The following DERA variants were observed in gnomAD, a reference collection of about 807,000 sequenced individuals.
DERA encodes deoxyribose-phosphate aldolase, also known as 2-deoxy-D-ribose 5-phosphate aldolase.
Under a neutral mutation model 41.1 loss-of-function variants are expected in DERA, and 15 were observed. That is an observed-to-expected ratio of 0.37 (90% CI 0.24 to 0.56). DERA has a LOEUF of 0.56. Ranked by LOEUF, DERA falls within the 20% of genes least tolerant of loss-of-function variation. DERA has a pLI of 0.81. For missense variants in DERA, 396 were observed against 403.4 expected (o/e 0.98, Z 0.16); for synonymous variants, 139 against 137.4 (o/e 1.01, Z -0.08).
At position 15,992,965 on chromosome 12, in the gene DERA, A is replaced by T. The variant is rs190008024; in HGVS notation, c.637+10529A>T. ...CATCAGGTTTGAATTGCCGATGAAG[A>T]TCTGTGGGAAGAGTACTAACACAAA... On this transcript the variant is annotated intron_variant, in intron 6 of 8. Coordinates refer to ENST00000428559, the MANE Select transcript of DERA (RefSeq NM_015954.4). The surrounding 1 kb of genome is among the most constrained non-coding windows in gnomAD (Gnocchi z 4.3). Among the ~76,000 whole-genome samples, 4 of 152,338 alleles carry T rather than the reference A, an allele frequency of 2.6e-5. No individual in the cohort carries two copies. In the East Asian group the frequency reaches 7.7e-4, roughly 29 times the overall value.
At chr12:16,028,260 A>G (rs999877559) in intron 6 of DERA, among the ~76,000 whole-genome samples, 17 of 152,158 alleles carry the variant, frequency 1.1e-4, no homozygotes, top group Admixed American at 1.0e-3. Context: ...AAACAGAAAA[A>G]TCCACATGAT....
rs1948738644 is a variant in DERA at position 15,982,389 on chromosome 12, G to C, written c.590G>C (p.Gly197Ala). The C allele has an allele frequency of 2.5e-6, 4 of 1,613,840 alleles. No homozygotes were observed. The Admixed American group carries it at 6.7e-5, about 27-fold the overall frequency. The change falls in exon 6 of 9, where the codon GGA becomes GCA. Residue 197 changes from glycine to alanine, a missense_variant. Gly to Ala is a moderately conservative substitution (Grantham distance 60, BLOSUM62 0). Transcript: ENST00000428559. The surrounding 1 kb of genome is among the most constrained non-coding windows in gnomAD (Gnocchi z 4.0). Reference sequence around the variant, plus strand: ...ACTATATTAGCGACAGGAGAACTTGGAACTCTTACTAATGTCTATAAAGCC... The same window carrying C: ...ACTATATTAGCGACAGGAGAACTTGCAACTCTTACTAATGTCTATAAAGCC... The part of the protein sequence containing the change: ...LKTILATGEL[G>A]TLTNVYKASM...
rs752473216 is a variant in DERA at position 15,918,691 on chromosome 12, G to GT, written c.31+7277_31+7278insT. 6.6e-4 allele frequency among the ~76,000 whole-genome samples: 101 copies of GT among 152,296 alleles called. No homozygotes were observed. Among genetic ancestry groups the GT allele is most frequent in the Non-Finnish European group, 1.2e-3 (83 of 68,034 alleles). ...CCAAGGTGAGCCTGACTTGGTCTCT[G>GT]CTTTCCCAGAGCTCACAGGCAACTA... On this transcript the variant is annotated intron_variant, in intron 1 of 8. Coordinates refer to ENST00000428559, the MANE Select transcript of DERA (RefSeq NM_015954.4). This position sits in a 1 kb window ranked among gnomAD's most constrained non-coding sequence, Gnocchi z 4.3.
In DERA at chr12:15,929,842, G is replaced by A. The variant is rs116628570; in HGVS notation, c.31+18428G>A. ...ACCCTGTATCCCAGTTAGAGAATTT[G>A]GTTATAGAGTTTGAGCCCATCCTGA... On this transcript the variant is annotated intron_variant, in intron 1 of 8. Transcript: ENST00000428559. Among the ~76,000 whole-genome samples the A allele has an allele frequency of 3.5e-3, 534 of 152,168 alleles. 3 individuals carry two copies. Among genetic ancestry groups the A allele is most frequent in the African/African-American group, 0.012 (509 of 41,510 alleles).
chr12:15,950,945 A>G (rs1948493345), intron 1 of DERA, among the ~76,000 whole-genome samples: 1 of 152,262 alleles, frequency 6.6e-6, no homozygotes, highest in African/African-American at 2.4e-5. Context: ...AATGGTATTC[A>G]TAGACAGACT....
chr12:16,034,758 A>T (rs1321458265), intron 7 of DERA, among the ~76,000 whole-genome samples: 2 of 92,750 alleles, frequency 2.2e-5, no homozygotes, highest in African/African-American at 1.0e-4. Flanking sequence ...TATTCTCTTT[A>T]AAAAAAAAAA....
rs759454713 is a variant in DERA, at chr12:15,911,471, C to G, written c.31+57C>G. On this transcript the variant is annotated intron_variant, in intron 1 of 8. Coordinates refer to ENST00000428559, the MANE Select transcript of DERA (RefSeq NM_015954.4). The surrounding 1 kb of genome is among the most constrained non-coding windows in gnomAD (Gnocchi z 4.5). ...TCCCTCGCGTTCAGCGCCGCCGGGACTAGCGCGGGGCCTGCTGCCGCCCAG... is the reference window on the plus strand; with the variant it reads ...TCCCTCGCGTTCAGCGCCGCCGGGAGTAGCGCGGGGCCTGCTGCCGCCCAG... 9.3e-5 allele frequency: 130 copies of G among 1,394,392 alleles called. No individual in the cohort carries two copies. The highest frequency in any genetic ancestry group is 1.2e-4 in the Non-Finnish European group (126 of 1,071,428). 86.4% of individuals were successfully genotyped at this position (1,394,392 alleles called of 1,614,324 possible). A position where few individuals can be genotyped will look rare whatever the true frequency, so the allele number is the denominator to read the frequency against.
Position 16,009,231 on chromosome 12 carries a change from T to C in DERA, c.638-23311T>C, listed in dbSNP as rs1434955084. On this transcript the variant is annotated intron_variant, in intron 6 of 8. Coordinates refer to ENST00000428559, the MANE Select transcript of DERA (RefSeq NM_015954.4). The surrounding 1 kb of genome is among the most constrained non-coding windows in gnomAD (Gnocchi z 5.3). ...GAATGAACTAGAATCTAAGATGCTT[T>C]TGGGTGAGTAGCAGAAGAGAACAAT... Among the ~76,000 whole-genome samples the C allele has an allele frequency of 6.6e-6, 1 of 152,202 alleles. No homozygotes were observed. Among genetic ancestry groups the C allele is most frequent in the East Asian group, 1.9e-4 (1 of 5,198 alleles).
rs1323999084 is a variant in DERA, at chr12:15,940,880, T to TATAA, written c.32-16052_32-16049dup. ...ATTTAGGTCATCCTGGAGTCTGATA[T>TATAA]ATAAATAGATAGATAGATAGATATC... On this transcript the variant is annotated intron_variant, in intron 1 of 8. Transcript: ENST00000428559. The surrounding 1 kb of genome is among the most constrained non-coding windows in gnomAD (Gnocchi z 5.1). 2.0e-4 allele frequency among the ~76,000 whole-genome samples: 30 copies of TATAA among 152,322 alleles called. No individual in the cohort carries two copies. The highest frequency in any genetic ancestry group is 7.0e-4 in the African/African-American group (29 of 41,570).
intron 5 of DERA, among the ~76,000 whole-genome samples, chr12:15,977,681 C>G (rs987586996): frequency 2.0e-5 from 3 of 152,186 alleles, no homozygotes; most frequent in African/African-American, 7.2e-5. Context: ...TTGTCTCGAA[C>G]TCCTGACCTC....
chr12:15,975,886 A>C (rs1948693770), intron 5 of DERA, among the ~76,000 whole-genome samples: 1 of 152,172 alleles, frequency 6.6e-6, no homozygotes, highest in Non-Finnish European at 1.5e-5. Context: ...TTCTCCAAGG[A>C]GCTCTTGCTC....
At position 16,009,426 on chromosome 12, in the gene DERA, T is replaced by C. The variant is rs149795390; in HGVS notation, c.638-23116T>C. On this transcript the variant is annotated intron_variant, in intron 6 of 8. Transcript: ENST00000428559. The surrounding 1 kb of genome is among the most constrained non-coding windows in gnomAD (Gnocchi z 5.3). ...AATTTTTCATCATCTTTAGTTTCCA[T>C]GTATTAAATACAAAAAATTGGGCCA... Among the ~76,000 whole-genome samples the C allele has an allele frequency of 5.4e-3, 823 of 152,330 alleles. 5 individuals are homozygous for C. Among genetic ancestry groups the C allele is most frequent in the South Asian group, 0.014 (68 of 4,828 alleles).
intron 5 of DERA, among the ~76,000 whole-genome samples, chr12:15,977,256 T>C (rs1353308111): frequency 6.6e-6 from 1 of 152,160 alleles, no homozygotes; most frequent in Non-Finnish European, 1.5e-5. Context: ...AGCACTGCAA[T>C]GTATTTCCCT....
chr12:16,032,664 T>G lies in DERA; in HGVS notation c.750+10T>G. On this transcript the variant is annotated intron_variant, in intron 7 of 8. Coordinates refer to ENST00000428559, the MANE Select transcript of DERA (RefSeq NM_015954.4). ...GAAAACTGGAAACAAGGTATATTAT[T>G]GCCAGCAAATCTTTCTTCAGAGTAA... The G allele has an allele frequency of 6.9e-7, 1 of 1,458,676 alleles. No homozygotes were observed. The highest frequency in any genetic ancestry group is 9.4e-7 in the Non-Finnish European group (1 of 1,061,600). The allele number at this position is 1,458,676 out of a possible 1,614,324, so 90.4% of individuals were successfully genotyped here. A position where few individuals can be genotyped will look rare whatever the true frequency, so the allele number is the denominator to read the frequency against.
chr12:15,976,561 C>G lies in DERA; in HGVS notation c.509-5747C>G, dbSNP rs1468573162. Among the ~76,000 whole-genome samples the G allele has an allele frequency of 6.6e-6, 1 of 152,096 alleles. No individual in the cohort carries two copies. The highest frequency in any genetic ancestry group is 2.4e-5 in the African/African-American group (1 of 41,402). ...CTCCCTTGTCTGTGGTTGAGAGCTC[C>G]CAAAGATAGAGTTCAGAATCATCTT... On this transcript the variant is annotated intron_variant, in intron 5 of 8. Coordinates refer to ENST00000428559, the MANE Select transcript of DERA (RefSeq NM_015954.4). The surrounding 1 kb of genome is among the most constrained non-coding windows in gnomAD (Gnocchi z 4.1).
At chr12:15,949,522 TG>T (rs1273132919) in intron 1 of DERA, among the ~76,000 whole-genome samples, 1 of 152,166 alleles carries the variant, frequency 6.6e-6, no homozygotes, top group Non-Finnish European at 1.5e-5. Flanking sequence ...AATCTCCTGG[TG>T]TGCCGTTTGC....
chr12:15,963,603 G>A (rs1330524507), intron 5 of DERA, among the ~76,000 whole-genome samples: 2 of 152,060 alleles, frequency 1.3e-5, no homozygotes, highest in Non-Finnish European at 2.9e-5. Context: ...TAAAGATGAG[G>A]TCATTGGTAG....
Position 15,957,121 on chromosome 12 carries a change from A to G in DERA, c.129+88A>G. 1 of 964,986 alleles carries G rather than the reference A, an allele frequency of 1.0e-6. No homozygotes were observed. The highest frequency in any genetic ancestry group is 1.6e-6 in the Non-Finnish European group (1 of 609,592). 59.8% of individuals were successfully genotyped at this position (964,986 alleles called of 1,614,324 possible). A position where few individuals can be genotyped will look rare whatever the true frequency, so the allele number is the denominator to read the frequency against. Reference sequence around the variant, plus strand: ...GCCACAATATTGAATTTCACTCAAGATGCATCTAAACTTAAAAGATTGCAG... The same window carrying G: ...GCCACAATATTGAATTTCACTCAAGGTGCATCTAAACTTAAAAGATTGCAG... On this transcript the variant is annotated intron_variant, in intron 2 of 8. Transcript: ENST00000428559. This position sits in a 1 kb window ranked among gnomAD's most constrained non-coding sequence, Gnocchi z 4.8.
intron 7 of DERA, among the ~76,000 whole-genome samples, chr12:16,034,586 C>T (rs991155020): frequency 6.6e-6 from 1 of 152,172 alleles, no homozygotes; most frequent in Non-Finnish European, 1.5e-5. Context: ...GGTTGCTTGA[C>T]AAGTTGCTTG....
Sources: allele counts gnomAD v4.1 joint callset (sites outside exome capture counted in the v4.1 genomes callset), GRCh38; gene constraint gnomAD v4.1.1; non-coding constraint Gnocchi (gnomAD v3.1); transcripts MANE v1.5; gene names NCBI Gene and HGNC (gene_info 2026-07-23, HGNC 2026-07-21).